KTN1: variants seen among roughly 807,000 people sequenced by gnomAD.
The protein encoded by KTN1 is kinectin.
Under a neutral mutation model 222.5 loss-of-function variants are expected in KTN1, and 130 were observed. That is an observed-to-expected ratio of 0.58 (90% CI 0.51 to 0.68). The LOEUF is 0.68. Ranked by LOEUF, KTN1 falls within the 30% of genes least tolerant of loss-of-function variation. The pLI, the probability that KTN1 is intolerant of heterozygous loss-of-function variation, is 0.00. For missense variants in KTN1, 1,508 were observed against 1,500.4 expected, an observed-to-expected ratio of 1.01 and a Z score of -0.08; for synonymous variants, 512 against 496.3, an observed-to-expected ratio of 1.03 and a Z score of -0.42.
intron 36 of KTN1, 49 bp downstream of exon 36, chr14:55,671,704 C>G: frequency 6.5e-7 from 1 of 1,529,728 alleles, no homozygotes; most frequent in South Asian, 1.1e-5. Context: ...TAAATCATTA[C>G]CTTCTTCCTT....
chr14:55,627,822 C>G (rs190839752), intron 5 of KTN1, 90 bp from the exon 6 acceptor site: 1 of 760,856 alleles, frequency 1.3e-6, no homozygotes, highest in Non-Finnish European at 2.3e-6. Context: ...GCATAGTATT[C>G]CATGGTGTAT....
chr14:55,625,965 C>A (rs536437131), intron 5 of KTN1, among the ~76,000 whole-genome samples: 1 of 152,116 alleles, frequency 6.6e-6, no homozygotes, highest in Non-Finnish European at 1.5e-5. Context: ...CTGACCTACT[C>A]TACACACATC....
At position 55,607,265 on chromosome 14, in the gene KTN1, T is replaced by G. The variant is rs145721319; in HGVS notation, c.-30-4754T>G. On this transcript the variant is annotated intron_variant, in intron 1 of 43. Transcript: ENST00000395314. ...CGAGTAAATAGAATTTTAAAACTAT[T>G]TGATTAGTATTTGTAATACGTACTC... 4.5e-3 allele frequency: 688 copies of G among 152,332 alleles called. 3 individuals are homozygous for G. The highest frequency in any genetic ancestry group is 0.016 in the African/African-American group (647 of 41,566). The allele number at this position is 152,332 out of a possible 1,614,324, so 9.4% of individuals were successfully genotyped here.
intron 1 of KTN1, among the ~76,000 whole-genome samples, chr14:55,596,332 C>T (rs571896912): frequency 6.6e-5 from 10 of 151,766 alleles, no homozygotes; most frequent in Admixed American, 1.3e-4. Flanking sequence ...TACTTTTTTC[C>T]CCCTAACTCT....
At position 55,622,741 on chromosome 14, in the gene KTN1, T is replaced by A. The variant is rs190560460; in HGVS notation, c.963+3429T>A. On this transcript the variant is annotated intron_variant, in intron 5 of 43. Transcript: ENST00000395314. ...TTGATGTTTCTGCTTTTCCTCTTAG[T>A]CCTCTAATTTTGTTTTTTTCCCACA... 2.2e-4 allele frequency among the ~76,000 whole-genome samples: 33 copies of A among 152,314 alleles called. No individual in the cohort carries two copies. In the East Asian group the frequency reaches 5.8e-3, roughly 27 times the overall value.
Position 55,633,270 on chromosome 14 carries a change from A to G in KTN1, c.1257A>G (p.Ile419Met). ...QQVREQMEAE[I>M]AHLKQENGIL... ...TTCGTGAGCAGATGGAGGCAGAGAT[A>G]GCTCACTTGAAGCAGGAAAATGGTA... The change falls in exon 8 of 44, where the codon ATA becomes ATG. Residue 419 changes from isoleucine (I) to methionine (M), a missense_variant. Physicochemically the swap from Ile to Met is conservative, Grantham distance 10 (BLOSUM62 1). Transcript: ENST00000395314. 6.3e-7 allele frequency: 1 copy of G among 1,597,386 alleles called. No homozygotes were observed. The highest frequency in any genetic ancestry group is 8.5e-7 in the Non-Finnish European group (1 of 1,171,830).
At chr14:55,658,392 A>G (rs1285123470) in intron 29 of KTN1, among the ~76,000 whole-genome samples, 154 bp from the exon 30 acceptor site, 6 of 152,204 alleles carry the variant, frequency 3.9e-5, no homozygotes, top group Non-Finnish European at 5.9e-5. Flanking sequence ...CTCTAATTTC[A>G]TCATATGTTT....
rs28444220 is a variant in KTN1 at position 55,618,930 on chromosome 14, G to A, written c.833-252G>A. 3.1e-3 allele frequency among the ~76,000 whole-genome samples: 470 copies of A among 151,880 alleles called. 1 individual carries two copies. The highest frequency in any genetic ancestry group is 0.011 in the African/African-American group (450 of 41,430). On this transcript the variant is annotated intron_variant, in intron 4 of 43. Transcript: ENST00000395314. ...CTAAGTGATTTTTTTTTAAAGTGAG[G>A]GTATATTGGCATTTTAGTATTTTGC...
intron 32 of KTN1, among the ~76,000 whole-genome samples, chr14:55,662,211 C>T (rs758857781): frequency 2.6e-5 from 4 of 151,820 alleles, no homozygotes; most frequent in African/African-American, 4.8e-5. Context: ...GAACTACAGG[C>T]GTGCACCACC....
At chr14:55,593,646 A>G (rs1170851053) in intron 1 of KTN1, among the ~76,000 whole-genome samples, 1 of 152,136 alleles carries the variant, frequency 6.6e-6, no homozygotes, top group African/African-American at 2.4e-5. Context: ...AGGAATAACA[A>G]AATACTTGCA....
Position 55,618,042 on chromosome 14 carries a change from A to T in KTN1, c.740A>T (p.Asp247Val), listed in dbSNP as rs2038634909. The T allele has an allele frequency of 6.2e-7, 1 of 1,612,774 alleles. No homozygotes were observed. The highest frequency in any genetic ancestry group is 8.5e-7 in the Non-Finnish European group (1 of 1,179,030). The change falls in exon 4 of 44, where the codon GAT becomes GTT. Residue 247 changes from aspartate (D) to valine (V), a missense_variant. Transcript: ENST00000395314. Reference protein sequence around the residue: ...MDNADSSPVVDKREVIDLLKP... With the variant: ...MDNADSSPVVVKREVIDLLKP... ...AATGCTGACTCAAGTCCTGTGGTAG[A>T]TAAGAGAGAGGTTATTGATTTGCTT...
chr14:55,679,296 T>G, intron 42 of KTN1: 1 of 324,350 alleles, frequency 3.1e-6, no homozygotes, highest in South Asian at 7.7e-5. Flanking sequence ...ATGGATATAT[T>G]TCTGATATTC....
chr14:55,652,826 G>T, intron 25 of KTN1, 24 bp from the exon 26 acceptor site: 1 of 1,474,950 alleles, frequency 6.8e-7, no homozygotes, highest in Non-Finnish European at 9.3e-7. Context: ...TTTTCATTTA[G>T]AGTTCTGATT....
intron 40 of KTN1, 125 bp downstream of exon 40, chr14:55,673,380 A>AG: frequency 1.8e-6 from 1 of 567,014 alleles, no homozygotes. Flanking sequence ...TGTAAGTCTA[A>AG]GATAATCTTC....
chr14:55,649,385 C>G (rs1014749079), intron 21 of KTN1, among the ~76,000 whole-genome samples: 1 of 152,150 alleles, frequency 6.6e-6, no homozygotes, highest in Non-Finnish European at 1.5e-5. Context: ...GTGACAAATA[C>G]TCCAGATAGG....
intron 1 of KTN1, among the ~76,000 whole-genome samples, chr14:55,587,434 G>C (rs2033239187): frequency 6.6e-6 from 1 of 152,150 alleles, no homozygotes; most frequent in South Asian, 2.1e-4. Context: ...AAATAATTTA[G>C]TGAATGCTTG....
At chr14:55,640,518 C>A in intron 15 of KTN1, 76 bp downstream of exon 15, 2 of 997,602 alleles carry the variant, frequency 2.0e-6, no homozygotes, top group Non-Finnish European at 3.1e-6. Flanking sequence ...ATATTGTGAG[C>A]CCCAATTTGA....
At chr14:55,644,338 A>G in intron 18 of KTN1, 1 of 701,148 alleles carries the variant, frequency 1.4e-6, no homozygotes, top group Non-Finnish European at 2.6e-6. Flanking sequence ...TACCCCATGG[A>G]TTTTTATTCT....
intron 13 of KTN1, 140 bp downstream of exon 13, chr14:55,639,362 C>CTTTTTTTTTTTTTTTTTTTTTTTTTT (rs369782699): frequency 6.0e-6 from 2 of 334,490 alleles, no homozygotes; most frequent in Non-Finnish European, 5.4e-6. Context: ...GCAACTTTTG[C>CTTTTTTTTTTTTTTTTTTTTTTTTTT]TTTTTTTTTT....
Sources: allele counts gnomAD v4.1 joint callset (sites outside exome capture counted in the v4.1 genomes callset), GRCh38; gene constraint gnomAD v4.1.1; transcripts MANE v1.5; gene names NCBI Gene and HGNC (gene_info 2026-07-23, HGNC 2026-07-21).